The following CASR variants were observed in gnomAD, a reference collection of about 807,000 sequenced individuals.
The protein encoded by CASR is extracellular calcium-sensing receptor.
A neutral mutation model predicts 69.1 loss-of-function variants in CASR; 23 were observed. That is an observed-to-expected ratio of 0.33 (90% CI 0.24 to 0.47). CASR has a LOEUF of 0.47. CASR is among the 20% of genes least tolerant of loss of function. The pLI, the probability that CASR is intolerant of heterozygous loss-of-function variation, is 1.00. For missense variants in CASR, 924 were observed against 1,356.1 expected, an observed-to-expected ratio of 0.68 and a Z score of 5.00; for synonymous variants, 541 against 544.7, an observed-to-expected ratio of 0.99 and a Z score of 0.10.
At chr3:122,264,130 A>C (rs1266423984) in intron 4 of CASR, among the ~76,000 whole-genome samples, 1 of 150,264 alleles carries the variant, frequency 6.7e-6, no homozygotes, top group East Asian at 1.9e-4. Context: ...AAGCCATGAC[A>C]GGCTACAGTC....
intron 1 of CASR, among the ~76,000 whole-genome samples, chr3:122,188,629 A>G (rs1847028): frequency 0.2 from 29,767 of 151,752 alleles, 3,836 homozygotes; most frequent in Admixed American, 0.39. Context: ...CTCTCTCTCT[A>G]TTTCTGGGAG....
chr3:122,201,625 G>A (rs1473946303), intron 1 of CASR, among the ~76,000 whole-genome samples: 1 of 140,112 alleles, frequency 7.1e-6, no homozygotes, highest in Non-Finnish European at 1.5e-5. Flanking sequence ...TGGCCGGGCG[G>A]GGGCGACCCC....
Position 122,288,751 on chromosome 3 carries a change from G to A in CASR, c.*3560G>A, listed in dbSNP as rs932219935. ...AGTGTTTGCTTTTCTCTTGAATAAA[G>A]GAAGTCAGGAGGTAAATATATGATC... On this transcript the variant is annotated 3_prime_UTR_variant, in exon 7 of 7. Coordinates refer to ENST00000639785, the MANE Select transcript of CASR (RefSeq NM_000388.4). The A allele has an allele frequency of 2.0e-5, 3 of 152,010 alleles. No homozygotes were observed. Among genetic ancestry groups the A allele is most frequent in the East Asian group, 1.9e-4 (1 of 5,186 alleles). The allele number at this position is 152,010 out of a possible 1,614,324, so 9.4% of individuals were successfully genotyped here.
chr3:122,225,429 G>A (rs1285426389), intron 1 of CASR, among the ~76,000 whole-genome samples: 1 of 151,176 alleles, frequency 6.6e-6, no homozygotes, highest in Non-Finnish European at 1.5e-5. Context: ...TTTCTCTAAA[G>A]AAGACATACA....
At chr3:122,265,219 G>T (rs1191955227) in intron 4 of CASR, among the ~76,000 whole-genome samples, 2 of 152,122 alleles carry the variant, frequency 1.3e-5, no homozygotes, top group African/African-American at 4.8e-5. Flanking sequence ...AGCTTCCACA[G>T]CTCTTTAATT....
intron 1 of CASR, among the ~76,000 whole-genome samples, chr3:122,202,912 G>A (rs996367964): frequency 1.3e-5 from 2 of 152,236 alleles, no homozygotes; most frequent in East Asian, 3.9e-4. Context: ...AGAATAGTCT[G>A]CCCTTTCTCC....
chr3:122,201,004 T>TTC lies in CASR; in HGVS notation c.-243+17192_-243+17193insTC, dbSNP rs2073944017. On this transcript the variant is annotated intron_variant, in intron 1 of 6. Transcript: ENST00000639785. ...TTGCCCATTGCTTTTCTTTTTTTTTTATTTTTTTTTTTTTTATTGATCATT... is the reference window on the plus strand; with the variant it reads ...TTGCCCATTGCTTTTCTTTTTTTTTTTCATTTTTTTTTTTTTTATTGATCATT... Among the ~76,000 whole-genome samples, 5 of 66,540 alleles carry TTC rather than the reference T, an allele frequency of 7.5e-5. No homozygotes were observed. The East Asian group carries it at 1.1e-3, about 15-fold the overall frequency. 43.7% of individuals were successfully genotyped at this position (66,540 alleles called of 152,430 possible). A position where few individuals can be genotyped will look rare whatever the true frequency, so the allele number is the denominator to read the frequency against.
At chr3:122,268,454 G>A (rs1284765419) in intron 4 of CASR, among the ~76,000 whole-genome samples, 2 of 152,170 alleles carry the variant, frequency 1.3e-5, no homozygotes, top group African/African-American at 4.8e-5. Context: ...ATGCCTTCTA[G>A]CTCCTGAGAG....
rs576458949 is a variant in CASR, at chr3:122,291,374, C to T, written c.*6183C>T. 131 of 151,592 alleles carry T rather than the reference C, an allele frequency of 8.6e-4. No homozygotes were observed. Among genetic ancestry groups the T allele is most frequent in the Non-Finnish European group, 1.4e-3 (93 of 67,832 alleles). 9.4% of individuals were successfully genotyped at this position (151,592 alleles called of 1,614,324 possible). On this transcript the variant is annotated 3_prime_UTR_variant, in exon 7 of 7. Transcript: ENST00000639785. ...GTGTAAAAGTGTTCCTATTTCTCCA[C>T]ATCCTCTCCAGCACCTGTTGTTTCC...
chr3:122,254,434 C>A, intron 2 of CASR, 60 bp downstream of exon 2: 2 of 1,500,534 alleles, frequency 1.3e-6, no homozygotes, highest in Non-Finnish European at 1.9e-6. Flanking sequence ...AGAAAAGCTG[C>A]ACCAAACGCA....
At chr3:122,274,753 A>AG (rs1387680626) in intron 4 of CASR, among the ~76,000 whole-genome samples, 1 of 152,002 alleles carries the variant, frequency 6.6e-6, no homozygotes, top group Non-Finnish European at 1.5e-5. Context: ...CCAAAAAAAA[A>AG]TTAGCTCAGA....
intron 4 of CASR, among the ~76,000 whole-genome samples, chr3:122,272,166 C>A (rs944564232): frequency 6.6e-6 from 1 of 151,728 alleles, no homozygotes; most frequent in Non-Finnish European, 1.5e-5. Context: ...CTATGTTTAA[C>A]TTTTTAAGGA....
intron 1 of CASR, among the ~76,000 whole-genome samples, chr3:122,232,322 G>T (rs567878069): frequency 1.3e-5 from 2 of 152,300 alleles, no homozygotes; most frequent in African/African-American, 4.8e-5. Context: ...GAAGTGCCAC[G>T]CAGATGCAGA....
At chr3:122,280,305 A>T (rs1475135693) in intron 5 of CASR, among the ~76,000 whole-genome samples, 1 of 152,198 alleles carries the variant, frequency 6.6e-6, no homozygotes, top group Admixed American at 6.5e-5. Flanking sequence ...TGGCACAAGG[A>T]TGCCCGCTCT....
chr3:122,214,841 G>A (rs2074101437), intron 1 of CASR, among the ~76,000 whole-genome samples: 1 of 152,034 alleles, frequency 6.6e-6, no homozygotes, highest in South Asian at 2.1e-4. Context: ...TCATAGCACA[G>A]TATTTTTTCA....
chr3:122,268,099 C>G lies in CASR; in HGVS notation c.1377+5687C>G, dbSNP rs192495506. On this transcript the variant is annotated intron_variant, in intron 4 of 6. Transcript: ENST00000639785. ...AGTTGGTTTAAATTTTAATTGCCAC[C>G]TAATTGCCTTATGACCTTGGGCAGT... Among the ~76,000 whole-genome samples the G allele has an allele frequency of 6.6e-5, 10 of 152,266 alleles. No homozygotes were observed. The East Asian group carries it at 1.9e-3, about 29-fold the overall frequency.
intron 4 of CASR, among the ~76,000 whole-genome samples, chr3:122,264,879 G>C (rs1187352699): frequency 2.6e-5 from 4 of 152,112 alleles, no homozygotes; most frequent in African/African-American, 9.7e-5. Flanking sequence ...TCAATATTAA[G>C]ATCTATATGG....
In CASR at chr3:122,288,669, G is replaced by A. The variant is rs1424520368; in HGVS notation, c.*3478G>A. 2 of 151,962 alleles carry A rather than the reference G, an allele frequency of 1.3e-5. No homozygotes were observed. The highest frequency in any genetic ancestry group is 2.9e-5 in the Non-Finnish European group (2 of 68,000). 9.4% of individuals were successfully genotyped at this position (151,962 alleles called of 1,614,324 possible). Reference sequence around the variant, plus strand: ...GTTATAGAAAATACACAGCCGTGTTGTCTCATTCTATTATCTGTCAGTAGC... The same window carrying A: ...GTTATAGAAAATACACAGCCGTGTTATCTCATTCTATTATCTGTCAGTAGC... On this transcript the variant is annotated 3_prime_UTR_variant, in exon 7 of 7. Transcript: ENST00000639785.
rs988523065 is a variant in CASR at position 122,284,825 on chromosome 3, G to C, written c.2871G>C (p.Gln957His). 1 of 1,614,072 alleles carries C rather than the reference G, an allele frequency of 6.2e-7. No individual in the cohort carries two copies. The highest frequency in any genetic ancestry group is 8.5e-7 in the Non-Finnish European group (1 of 1,180,044). ...PLTLPQQQRS[Q>H]QQPRCKQKVI... ...CCCTCCCACAGCAGCAACGATCTCA[G>C]CAGCAGCCCAGATGCAAGCAGAAGG... The change falls in exon 7 of 7, where the codon CAG becomes CAC. Residue 957 changes from glutamine to histidine, a missense_variant. By Grantham distance (24) the Gln-to-His change is conservative. Coordinates refer to ENST00000639785, the MANE Select transcript of CASR (RefSeq NM_000388.4).
Sources: allele counts gnomAD v4.1 joint callset (sites outside exome capture counted in the v4.1 genomes callset), GRCh38; gene constraint gnomAD v4.1.1; transcripts MANE v1.5; gene names NCBI Gene and HGNC (gene_info 2026-07-23, HGNC 2026-07-21).